Variants in SLIT3 observed in about 807,000 individuals in gnomAD.
The protein encoded by SLIT3 is slit guidance ligand 3, also known as slit homolog 3 protein.
SLIT3 carries 68 observed loss-of-function variants against 184.0 expected under a neutral mutation model. The observed-to-expected ratio is 0.37, with a 90% CI of 0.30 to 0.45. The LOEUF (loss-of-function observed/expected upper bound fraction) is 0.45. SLIT3 is among the 20% of genes least tolerant of loss of function. The probability of loss-of-function intolerance (pLI) is 1.00; values close to 1 mark genes in which losing one functional copy is unlikely to be tolerated. For missense variants in SLIT3, 1,707 were observed against 2,026.0 expected (o/e 0.84, Z 3.02); for synonymous variants, 831 against 828.6 (o/e 1.00, Z -0.05).
At chr5:169,002,937 A>G (rs914678197) in intron 4 of SLIT3, among the ~76,000 whole-genome samples, 1 of 152,232 alleles carries the variant, frequency 6.6e-6, no homozygotes, top group African/African-American at 2.4e-5. Context: ...TATGAAAACA[A>G]GTATATGCCT....
intron 4 of SLIT3, among the ~76,000 whole-genome samples, chr5:168,938,958 G>A (rs964937365): frequency 1.3e-5 from 2 of 152,104 alleles, no homozygotes; most frequent in Middle Eastern, 6.3e-3. Context: ...GATATACCCT[G>A]ATTTGGAAGG....
chr5:169,084,501 G>A (rs1333634333), intron 4 of SLIT3, among the ~76,000 whole-genome samples: 4 of 146,074 alleles, frequency 2.7e-5, no homozygotes, highest in South Asian at 2.2e-4. Context: ...TAGTAGAGAC[G>A]GGGTTTCACC....
chr5:168,810,637 G>T (rs923873634), intron 8 of SLIT3, among the ~76,000 whole-genome samples: 1 of 152,218 alleles, frequency 6.6e-6, no homozygotes, highest in Admixed American at 6.5e-5. Flanking sequence ...TCGGCTCTGG[G>T]CTCTCTATCT....
At chr5:168,813,169 T>C (rs1411851466) in intron 8 of SLIT3, among the ~76,000 whole-genome samples, 1 of 152,144 alleles carries the variant, frequency 6.6e-6, no homozygotes, top group Non-Finnish European at 1.5e-5. Flanking sequence ...AGCAAAGAGA[T>C]AACTGATTTA....
chr5:169,169,558 G>T (rs1339442419), intron 4 of SLIT3, among the ~76,000 whole-genome samples: 3 of 152,200 alleles, frequency 2.0e-5, no homozygotes, highest in Non-Finnish European at 4.4e-5. Context: ...AAACTGGGGA[G>T]AATGGTAGAA....
Position 168,669,859 on chromosome 5 carries a change from C to G in SLIT3, c.4260G>C (p.Gly1420=), listed in dbSNP as rs746122282. 2 of 1,614,074 alleles carry G rather than the reference C, an allele frequency of 1.2e-6. No individual in the cohort carries two copies. The highest frequency in any genetic ancestry group is 4.5e-5 in the East Asian group (2 of 44,900). Residue 1420 remains glycine (G), a synonymous_variant, in exon 35 of 36, where the codon GGG becomes GGC. Transcript: ENST00000519560. ...CCCCTTGGTCTGAGATGTGGCACTG[C>G]CCATGGTGACACTTGAAGGCTGAGC... ...NACSAFKCHH[G]QCHISDQGEP...
intron 26 of SLIT3, among the ~76,000 whole-genome samples, chr5:168,701,096 G>A (rs1344614566): frequency 6.6e-6 from 1 of 152,192 alleles, no homozygotes; most frequent in East Asian, 1.9e-4. Flanking sequence ...CCACCTCACA[G>A]GGTTGCTATG....
chr5:168,956,343 G>T lies in SLIT3; in HGVS notation c.414-73007C>A, dbSNP rs189959549. On this transcript the variant is annotated intron_variant, in intron 4 of 35. Transcript: ENST00000519560. Reference sequence around the variant, plus strand: ...GTTAAGGTAAAGATGTTCTCCGTATGTGAGAAAAGGACAGCTTGGAGAAAA... The same window carrying T: ...GTTAAGGTAAAGATGTTCTCCGTATTTGAGAAAAGGACAGCTTGGAGAAAA... Among the ~76,000 whole-genome samples the T allele has an allele frequency of 2.7e-4, 41 of 152,310 alleles. No homozygotes were observed. The East Asian group carries it at 7.5e-3, about 28-fold the overall frequency.
intron 32 of SLIT3, among the ~76,000 whole-genome samples, chr5:168,675,542 A>G (rs190000959): frequency 1.3e-5 from 2 of 152,314 alleles, no homozygotes; most frequent in East Asian, 3.9e-4. Context: ...GTGATGTTCA[A>G]ATAAAATAAG....
intron 4 of SLIT3, among the ~76,000 whole-genome samples, chr5:169,014,089 G>A (rs1386521484): frequency 1.8e-5 from 2 of 110,464 alleles, no homozygotes; most frequent in East Asian, 3.1e-4. Context: ...AATGTTTTGT[G>A]GGAAGGAAGG....
intron 4 of SLIT3, among the ~76,000 whole-genome samples, chr5:168,900,802 C>G (rs1760839846): frequency 6.6e-6 from 1 of 152,132 alleles, no homozygotes; most frequent in Non-Finnish European, 1.5e-5. Flanking sequence ...GAAATCATGT[C>G]TTTTGCAGCA....
intron 3 of SLIT3, among the ~76,000 whole-genome samples, chr5:169,218,267 C>G (rs1204823588): frequency 6.6e-6 from 1 of 152,182 alleles, no homozygotes; most frequent in Non-Finnish European, 1.5e-5. Flanking sequence ...TCACCTTCGC[C>G]ATGAATTGGT....
intron 5 of SLIT3, among the ~76,000 whole-genome samples, chr5:168,867,280 C>T (rs1043559762): frequency 4.6e-5 from 7 of 152,088 alleles, no homozygotes; most frequent in South Asian, 2.1e-4. Flanking sequence ...TAGAGTAGGC[C>T]GGGGAAGGGA....
intron 7 of SLIT3, among the ~76,000 whole-genome samples, chr5:168,820,275 T>C (rs1041297382): frequency 6.6e-6 from 1 of 152,124 alleles, no homozygotes; most frequent in African/African-American, 2.4e-5. Flanking sequence ...CCTTCTTCTG[T>C]TCACCTGGCA....
intron 1 of SLIT3, among the ~76,000 whole-genome samples, chr5:169,268,309 G>C (rs1471689598): frequency 6.6e-6 from 1 of 152,138 alleles, no homozygotes; most frequent in Non-Finnish European, 1.5e-5. Flanking sequence ...GAGGGAATTT[G>C]CCGAGTGACA....
intron 4 of SLIT3, among the ~76,000 whole-genome samples, chr5:168,943,544 C>T (rs1306082440): frequency 6.6e-6 from 1 of 152,176 alleles, no homozygotes; most frequent in Admixed American, 6.5e-5. Context: ...TCTAGATTAG[C>T]TTCTCTAAGT....
chr5:168,992,160 T>C (rs1056745227), intron 4 of SLIT3, among the ~76,000 whole-genome samples: 1 of 152,176 alleles, frequency 6.6e-6, no homozygotes, highest in Non-Finnish European at 1.5e-5. Flanking sequence ...CCTTCTGTGT[T>C]TGAGAAGCTG....
chr5:168,900,357 G>A (rs529204525), intron 4 of SLIT3, among the ~76,000 whole-genome samples: 38 of 152,330 alleles, frequency 2.5e-4, no homozygotes, highest in Non-Finnish European at 3.5e-4. Flanking sequence ...GCTTATGCCT[G>A]TAATCCCAGC....
rs138649768 is a variant in SLIT3 at position 169,146,705 on chromosome 5, C to T, written c.413+46774G>A. Among the ~76,000 whole-genome samples the T allele has an allele frequency of 5.3e-3, 810 of 152,332 alleles. 12 individuals carry two copies. The highest frequency in any genetic ancestry group is 0.018 in the African/African-American group (748 of 41,564). The stretch of plus-strand genomic sequence containing the variant: ...CCAGTTGACACCTGTGCCAAACACC[C>T]AGCTCACAGAGCCCCCCTTCTTCCT... On this transcript the variant is annotated intron_variant, in intron 4 of 35. Transcript: ENST00000519560.
Sources: gnomAD v4.1 joint callset for allele counts (sites outside exome capture counted in the v4.1 genomes callset) on GRCh38, gnomAD v4.1.1 for gene constraint, MANE v1.5 for transcripts, NCBI Gene and HGNC (gene_info 2026-07-23, HGNC 2026-07-21) for gene names.